The following PPP1R37 variants were observed in gnomAD, a reference collection of about 807,000 sequenced individuals.
The protein encoded by PPP1R37 is leucine rich repeat containing 68.
In PPP1R37, 21 loss-of-function variants were observed where a neutral mutation model predicts 61.0. The ratio of observed to expected loss-of-function variants is 0.34; its 90% confidence interval spans 0.24 to 0.50. PPP1R37 has a LOEUF of 0.50. PPP1R37 is among the 20% of genes least tolerant of loss of function. PPP1R37 has a pLI of 0.98. For missense variants in PPP1R37, 910 were observed against 952.7 expected, an observed-to-expected ratio of 0.96 and a Z score of 0.59; for synonymous variants, 443 against 433.5, an observed-to-expected ratio of 1.02 and a Z score of -0.27.
intron 5 of PPP1R37, 49 bp from the exon 6 acceptor site, chr19:45,142,012 T>C (rs1380985181): frequency 8.3e-6 from 12 of 1,440,030 alleles, no homozygotes; most frequent in Non-Finnish European, 1.0e-5. Flanking sequence ...CAGGGAGTGC[T>C]GGGGCAGGCC....
chr19:45,127,104 C>T (rs573594219), intron 1 of PPP1R37, among the ~76,000 whole-genome samples: 1 of 152,162 alleles, frequency 6.6e-6, no homozygotes, highest in African/African-American at 2.4e-5. Flanking sequence ...AATCCCAGCA[C>T]TGTGGGAGTT....
chr19:45,110,911 G>T (rs946646408), intron 1 of PPP1R37, among the ~76,000 whole-genome samples: 3 of 152,150 alleles, frequency 2.0e-5, no homozygotes, highest in South Asian at 2.1e-4. Context: ...GAGGCAGGTG[G>T]CCCGAAATAG....
In PPP1R37 at chr19:45,145,365, A is replaced by G; in HGVS notation, c.1309A>G (p.Ile437Val). 1.3e-6 allele frequency: 2 copies of G among 1,534,936 alleles called. No individual in the cohort carries two copies. The highest frequency in any genetic ancestry group is 1.2e-5 in the South Asian group (1 of 84,016). The part of the protein sequence containing the change: ...EPKKEAVKSF[I>V]ETQKALLAEI... ...GCTCCCGCCACAGGTGAAGAGCTTC[A>G]TCGAGACGCAGAAGGCGCTGCTGGC... Residue 437 changes from isoleucine (I) to valine (V), a missense_variant, in exon 11 of 13, where the codon ATC becomes GTC. Coordinates refer to ENST00000221462, the MANE Select transcript of PPP1R37 (RefSeq NM_019121.2).
At chr19:45,138,700 TC>T in intron 2 of PPP1R37, 89 bp downstream of exon 2, 1 of 794,496 alleles carries the variant, frequency 1.3e-6, no homozygotes, top group East Asian at 2.7e-5. Flanking sequence ...GGCCTCCCAC[TC>T]CCCAGCCCCA....
intron 1 of PPP1R37, among the ~76,000 whole-genome samples, chr19:45,123,889 T>G (rs1462859997): frequency 6.6e-6 from 1 of 152,160 alleles, no homozygotes; most frequent in Non-Finnish European, 1.5e-5. Context: ...TTCCTAAGCA[T>G]GGAGTAGACC....
intron 1 of PPP1R37, among the ~76,000 whole-genome samples, chr19:45,106,169 C>T (rs1387563216): frequency 6.6e-6 from 1 of 152,104 alleles, no homozygotes; most frequent in African/African-American, 2.4e-5. Context: ...CGGCACTTAC[C>T]CAAGGATGCC....
Position 45,140,258 on chromosome 19 carries a change from G to C in PPP1R37, c.323G>C (p.Arg108Pro). 4.6e-6 allele frequency: 7 copies of C among 1,536,044 alleles called. No homozygotes were observed. The highest frequency in any genetic ancestry group is 6.1e-6 in the Non-Finnish European group (7 of 1,146,836). The change falls in exon 3 of 13, where the codon CGC becomes CCC. Residue 108 changes from arginine to proline, a missense_variant. By Grantham distance (103) the Arg-to-Pro change is moderately radical. This residue lies in a region of PPP1R37 where 280 missense variants were observed against 382.2 expected (regional missense o/e 0.73). Transcript: ENST00000221462. ...CAGGAATTCACAGACCTCGGGCACCGCCTCGACTGTCTGGACCTGAAAGGT... is the reference window on the plus strand; with the variant it reads ...CAGGAATTCACAGACCTCGGGCACCCCCTCGACTGTCTGGACCTGAAAGGT... ...QLQEFTDLGH[R>P]LDCLDLKGEK...
intron 7 of PPP1R37, chr19:45,143,310 A>T (rs1244529343): frequency 2.3e-5 from 12 of 520,454 alleles, no homozygotes; most frequent in Non-Finnish European, 3.8e-5. Flanking sequence ...GATCAGAAGC[A>T]TCTGGTGGAG....
chr19:45,111,489 C>A (rs1968200048), intron 1 of PPP1R37, among the ~76,000 whole-genome samples: 1 of 152,170 alleles, frequency 6.6e-6, no homozygotes, highest in East Asian at 1.9e-4. Context: ...GTTGGCCAGG[C>A]TGGTCTCGAA....
intron 12 of PPP1R37, 43 bp from the exon 13 acceptor site, chr19:45,146,528 C>T: frequency 2.2e-6 from 3 of 1,350,084 alleles, no homozygotes; most frequent in Admixed American, 2.0e-5. Flanking sequence ...GCTGAGAGAG[C>T]CTCTGGCTCT....
At chr19:45,133,076 G>A (rs980615030) in intron 1 of PPP1R37, among the ~76,000 whole-genome samples, 1 of 152,048 alleles carries the variant, frequency 6.6e-6, no homozygotes, top group African/African-American at 2.4e-5. Context: ...CAGAACTCAT[G>A]TTCTTTTTGT....
chr19:45,141,561 G>A (rs1968612128), intron 5 of PPP1R37, 120 bp downstream of exon 5: 5 of 1,307,042 alleles, frequency 3.8e-6, no homozygotes, highest in Non-Finnish European at 5.1e-6. Context: ...GCTGTTGTGG[G>A]GATGCTGGGC....
chr19:45,128,986 C>A, intron 1 of PPP1R37: 1 of 827,586 alleles, frequency 1.2e-6, no homozygotes, highest in Non-Finnish European at 2.0e-6. Context: ...GTGCTGTCTG[C>A]CATGACAGAG....
At chr19:45,098,767 G>A (rs1968025543) in intron 1 of PPP1R37, among the ~76,000 whole-genome samples, 1 of 152,184 alleles carries the variant, frequency 6.6e-6, no homozygotes. Context: ...ATCTGTCAGT[G>A]GTGGAAAGAG....
In PPP1R37 at chr19:45,142,191, G is replaced by C; in HGVS notation, c.698G>C (p.Gly233Ala). The C allele has an allele frequency of 6.5e-7, 1 of 1,534,946 alleles. No individual in the cohort carries two copies. The highest frequency in any genetic ancestry group is 1.2e-5 in the South Asian group (1 of 83,912). The change falls in exon 6 of 13, where the codon GGG becomes GCG. Residue 233 changes from glycine (G) to alanine (A), a missense_variant. Gly to Ala is a moderately conservative substitution (Grantham distance 60, BLOSUM62 0). Around this residue, in one of 3 missense-constraint regions of PPP1R37, gnomAD observed 280 missense variants for 382.2 expected, o/e 0.73. Transcript: ENST00000221462. ...VLHLENASLS[G>A]RPLMLLATAL... ...CACTTGGAGAACGCCAGCCTGTCGG[G>C]GCGGCCCCTCATGCTGCTCGGTGAG...
At chr19:45,124,568 T>C (rs1348419475) in intron 1 of PPP1R37, among the ~76,000 whole-genome samples, 1 of 152,048 alleles carries the variant, frequency 6.6e-6, no homozygotes, top group Non-Finnish European at 1.5e-5. Flanking sequence ...TCACGCATCA[T>C]CTGTGTGCTC....
chr19:45,098,028 G>C (rs1251289143), intron 1 of PPP1R37, among the ~76,000 whole-genome samples: 1 of 152,224 alleles, frequency 6.6e-6, no homozygotes, highest in African/African-American at 2.4e-5. Context: ...AACAGGGCCA[G>C]TGATCCCTGC....
chr19:45,097,336 A>T (rs2122704614), intron 1 of PPP1R37, among the ~76,000 whole-genome samples: 1 of 151,710 alleles, frequency 6.6e-6, no homozygotes, highest in South Asian at 2.1e-4. Flanking sequence ...AAGGGGGGAG[A>T]CTCAGTTATC....
chr19:45,093,256 C>A lies in PPP1R37; in HGVS notation c.-70C>A. 8.2e-7 allele frequency: 1 copy of A among 1,214,458 alleles called. No individual in the cohort carries two copies. 75.2% of individuals were successfully genotyped at this position (1,214,458 alleles called of 1,614,324 possible). A position where few individuals can be genotyped will look rare whatever the true frequency, so the allele number is the denominator to read the frequency against. On this transcript the variant is annotated 5_prime_UTR_variant, in exon 1 of 13. Coordinates refer to ENST00000221462, the MANE Select transcript of PPP1R37 (RefSeq NM_019121.2). ...GGAGCCCATGCCCCGGGACGGCGGG[C>A]GGACCCGGAGAGACAAATCCGGGGC...
Sources: allele counts gnomAD v4.1 joint callset (sites outside exome capture counted in the v4.1 genomes callset), GRCh38; gene constraint gnomAD v4.1.1; regional missense constraint gnomAD v4.1.1; transcripts MANE v1.5; gene names NCBI Gene and HGNC (gene_info 2026-07-23, HGNC 2026-07-21).